Variants in MTSS1 observed in about 807,000 individuals in gnomAD.
MTSS1 encodes protein MTSS 1.
In MTSS1, 18 loss-of-function variants were observed where a neutral mutation model predicts 79.0. That is an observed-to-expected ratio of 0.23 (90% CI 0.16 to 0.34). MTSS1 has a LOEUF of 0.34. Among genes scored for constraint, MTSS1 ranks in the 10% least tolerant of loss-of-function variants. MTSS1 has a pLI of 1.00. For missense variants in MTSS1, 815 were observed against 986.2 expected (o/e 0.83, Z 2.33); for synonymous variants, 341 against 368.6 (o/e 0.93, Z 0.86).
chr8:124,716,501 G>A (rs1436310193), intron 1 of MTSS1, among the ~76,000 whole-genome samples: 2 of 152,130 alleles, frequency 1.3e-5, no homozygotes, highest in Non-Finnish European at 2.9e-5. Context: ...GACCCAGGGG[G>A]CACTCCCACT....
intron 6 of MTSS1, chr8:124,568,765 A>T: frequency 1.4e-6 from 2 of 1,458,720 alleles, no homozygotes; most frequent in Non-Finnish European, 1.8e-6. Context: ...CCTGACAAGG[A>T]AAATGTCCTG....
rs1437655793 is a variant in MTSS1, at chr8:124,727,804, C to G, written c.72+80G>C. 3.1e-6 allele frequency: 4 copies of G among 1,293,174 alleles called. No individual in the cohort carries two copies. Among genetic ancestry groups the G allele is most frequent in the Non-Finnish European group, 4.1e-6 (4 of 981,910 alleles). The allele number at this position is 1,293,174 out of a possible 1,614,324, so 80.1% of individuals were successfully genotyped here. On this transcript the variant is annotated intron_variant, in intron 1 of 13. Coordinates refer to ENST00000518547, the MANE Select transcript of MTSS1 (RefSeq NM_014751.6). The surrounding 1 kb of genome is among the most constrained non-coding windows in gnomAD (Gnocchi z 4.7). Reference sequence around the variant, plus strand: ...ACACTGCAGGGAAGGGCCGGGTGCCCGGCCCGGGGTGGAGGCGAAGCGCGG... The same window carrying G: ...ACACTGCAGGGAAGGGCCGGGTGCCGGGCCCGGGGTGGAGGCGAAGCGCGG...
At chr8:124,716,341 A>T (rs1831974886) in intron 1 of MTSS1, among the ~76,000 whole-genome samples, 1 of 152,218 alleles carries the variant, frequency 6.6e-6, no homozygotes, top group Non-Finnish European at 1.5e-5. Context: ...GGAAGTCGAG[A>T]TCATGCTCTG....
At chr8:124,647,243 T>C (rs1001432130) in intron 3 of MTSS1, among the ~76,000 whole-genome samples, 2 of 152,232 alleles carry the variant, frequency 1.3e-5, no homozygotes, top group African/African-American at 4.8e-5. Flanking sequence ...TGCTGAGTAA[T>C]TCATGTTTGG....
chr8:124,591,061 G>T, intron 4 of MTSS1, 90 bp downstream of exon 4: 4 of 1,061,214 alleles, frequency 3.8e-6, no homozygotes, highest in Non-Finnish European at 5.8e-6. Flanking sequence ...CAGATTGTGG[G>T]GATTTAAATG....
intron 5 of MTSS1, among the ~76,000 whole-genome samples, chr8:124,588,843 T>C (rs969727362): frequency 2.0e-5 from 3 of 151,818 alleles, no homozygotes; most frequent in African/African-American, 7.3e-5. Context: ...GCCTCCCGAG[T>C]AGTTGGGATT....
chr8:124,648,420 G>T (rs1819357859), intron 3 of MTSS1, among the ~76,000 whole-genome samples: 1 of 151,988 alleles, frequency 6.6e-6, no homozygotes, highest in African/African-American at 2.4e-5. Flanking sequence ...CATCCTCCAA[G>T]CAGCACCACA....
In MTSS1 at chr8:124,619,903, A is replaced by G. The variant is rs73341891; in HGVS notation, c.209-28668T>C. On this transcript the variant is annotated intron_variant, in intron 3 of 13. Coordinates refer to ENST00000518547, the MANE Select transcript of MTSS1 (RefSeq NM_014751.6). ...GGCAGGCCTGGTTTTCAGCCAGGCA[A>G]TAACAGTACAAAAATTACAGCACAA... is the stretch of plus-strand genomic sequence containing the variant. Among the ~76,000 whole-genome samples, 1,349 of 149,098 alleles carry G rather than the reference A, an allele frequency of 9.0e-3. 15 individuals are homozygous for G. The highest frequency in any genetic ancestry group is 0.032 in the African/African-American group (1,260 of 38,872).
chr8:124,584,419 T>C (rs1199508818), intron 6 of MTSS1, among the ~76,000 whole-genome samples: 1 of 152,236 alleles, frequency 6.6e-6, no homozygotes, highest in Non-Finnish European at 1.5e-5. Flanking sequence ...TAGTAAAATG[T>C]CACAAGTGCT....
chr8:124,589,687 G>T lies in MTSS1; in HGVS notation c.318C>A (p.Asn106Lys). Residue 106 changes from asparagine (N) to lysine (K), a missense_variant, in exon 5 of 14, where the codon AAC (asparagine) becomes AAA (lysine). Asn to Lys is a moderately conservative substitution (Grantham distance 94). Coordinates refer to ENST00000518547, the MANE Select transcript of MTSS1 (RefSeq NM_014751.6). ...ATTCTTCCATCTGTTCTTGAAGTGGGTTTATCAGACAATCAATTAAAGCGC... is the reference window on the plus strand; with the variant it reads ...ATTCTTCCATCTGTTCTTGAAGTGGTTTTATCAGACAATCAATTAAAGCGC... ...FSSALIDCLI[N>K]PLQEQMEEWK... is the part of the protein sequence containing the mutation. The T allele has an allele frequency of 6.2e-7, 1 of 1,612,640 alleles. No individual in the cohort carries two copies. The highest frequency in any genetic ancestry group is 1.1e-5 in the South Asian group (1 of 90,716).
chr8:124,560,613 T>TG (rs1825069131), intron 10 of MTSS1, among the ~76,000 whole-genome samples: 1 of 152,164 alleles, frequency 6.6e-6, no homozygotes, highest in Admixed American at 6.5e-5. Flanking sequence ...ATCCCGCCAC[T>TG]GCACTTCATC....
intron 4 of MTSS1, among the ~76,000 whole-genome samples, chr8:124,590,330 C>T (rs1831636455): frequency 6.6e-6 from 1 of 152,334 alleles, no homozygotes; most frequent in African/African-American, 2.4e-5. Flanking sequence ...GCAAAGACAC[C>T]TGGGCCTTAT....
chr8:124,567,463 T>C (rs1295623447), intron 7 of MTSS1, among the ~76,000 whole-genome samples: 4 of 152,242 alleles, frequency 2.6e-5, no homozygotes, highest in Non-Finnish European at 4.4e-5. Flanking sequence ...CCTGCTCAGA[T>C]GGTCTGACTG....
At chr8:124,564,440 G>A (rs17299208) in intron 9 of MTSS1, among the ~76,000 whole-genome samples, 11,914 of 152,094 alleles carry the variant, frequency 0.078, 632 homozygotes, top group Non-Finnish European at 0.11. Context: ...CGTGCTGGAG[G>A]AAATCGCTGC....
chr8:124,629,522 A>G (rs865871365), intron 3 of MTSS1, among the ~76,000 whole-genome samples: 103 of 144,620 alleles, frequency 7.1e-4, no homozygotes, highest in African/African-American at 2.1e-3. Flanking sequence ...AAAAAAAAAA[A>G]AAAAGAAAAG....
intron 9 of MTSS1, chr8:124,563,273 C>G (rs1168631313): frequency 2.3e-6 from 1 of 441,376 alleles, no homozygotes; most frequent in African/African-American, 2.0e-5. Flanking sequence ...GGCATTCTTA[C>G]GAGGGAGGTC....
intron 3 of MTSS1, among the ~76,000 whole-genome samples, chr8:124,608,248 C>T (rs1229526387): frequency 1.3e-5 from 2 of 152,112 alleles, no homozygotes; most frequent in Non-Finnish European, 2.9e-5. Flanking sequence ...ACTTTATTAA[C>T]TGTGTTCTTC....
intron 1 of MTSS1, among the ~76,000 whole-genome samples, chr8:124,719,557 T>C (rs1454219247): frequency 6.6e-6 from 1 of 152,176 alleles, no homozygotes; most frequent in African/African-American, 2.4e-5. Context: ...TGACTGTCTA[T>C]ACTGTCCACA....
chr8:124,600,971 TC>T (rs2132982714), intron 3 of MTSS1, among the ~76,000 whole-genome samples: 1 of 151,952 alleles, frequency 6.6e-6, no homozygotes, highest in South Asian at 2.1e-4. Context: ...GCCTCCATCC[TC>T]TGCCCCCACC....
Sources: allele counts gnomAD v4.1 joint callset (sites outside exome capture counted in the v4.1 genomes callset), GRCh38; gene constraint gnomAD v4.1.1; non-coding constraint Gnocchi (gnomAD v3.1); transcripts MANE v1.5; gene names NCBI Gene and HGNC (gene_info 2026-07-23, HGNC 2026-07-21).